TXNDC12: variants seen among roughly 807,000 people sequenced by gnomAD.
The protein encoded by TXNDC12 is thioredoxin domain-containing protein 12.
In TXNDC12, 22 loss-of-function variants were observed where a neutral mutation model predicts 24.2. The observed-to-expected ratio is 0.91, with a 90% CI of 0.65 to 1.30. TXNDC12 has a LOEUF of 1.30. TXNDC12 is among the 50% of genes most tolerant of loss of function. The pLI is 0.00. For synonymous variants in TXNDC12, 58 were observed against 73.4 expected, an observed-to-expected ratio of 0.79 and a Z score of 1.07; for missense variants, 184 against 205.8, an observed-to-expected ratio of 0.89 and a Z score of 0.65.
upstream of TXNDC12, chr1:52,055,404 T>G: frequency 3.1e-6 from 1 of 323,638 alleles, no homozygotes; most frequent in Non-Finnish European, 6.0e-6. Flanking sequence ...TAGGCCAAGA[T>G]AGTAGGGGCG....
chr1:52,056,104 C>T (rs2783189), upstream of TXNDC12: 150,763 of 152,382 alleles, frequency 0.99, 74,603 homozygotes, highest in Middle Eastern at 1. Flanking sequence ...AGGGACACAA[C>T]AGAACGCTCG....
Position 52,055,045 on chromosome 1 carries a change from G to A in TXNDC12, c.52C>T (p.Leu18=), listed in dbSNP as rs774356497. ...GATCLLGFSF[L]LLVISSDGHN... ...CCATCAGAAGAGATGACGAGGAGCA[G>A]GAAACTGAAGCCCAGCAAACAGGTG... is the stretch of plus-strand genomic sequence containing the variant. The change falls in exon 1 of 7, where the codon CTG becomes TTG. Residue 18 remains leucine (L), a synonymous_variant. Coordinates refer to ENST00000371626, the MANE Select transcript of TXNDC12 (RefSeq NM_015913.4). 9 of 1,614,124 alleles carry A rather than the reference G, an allele frequency of 5.6e-6. No homozygotes were observed. Among genetic ancestry groups the A allele is most frequent in the Non-Finnish European group, 6.8e-6 (8 of 1,179,998 alleles).
At chr1:52,024,284 G>A (rs765510453) in intron 5 of TXNDC12, among the ~76,000 whole-genome samples, 3 of 152,302 alleles carry the variant, frequency 2.0e-5, no homozygotes, top group African/African-American at 4.8e-5. Context: ...GAGCCACTGT[G>A]CCCGGCCAAA....
chr1:52,030,616 A>G (rs561378808), intron 2 of TXNDC12: 6 of 152,354 alleles, frequency 3.9e-5, no homozygotes, highest in Non-Finnish European at 7.3e-5. Context: ...CAACCAAGGC[A>G]GCCCATCTAC....
intron 1 of TXNDC12, among the ~76,000 whole-genome samples, chr1:52,047,579 T>TAA (rs1448149656): frequency 2.0e-5 from 3 of 152,150 alleles, no homozygotes; most frequent in Non-Finnish European, 4.4e-5. Context: ...TAGCAATTTA[T>TAA]AATGCCCGAT....
At position 52,038,372 on chromosome 1, in the gene TXNDC12, G is replaced by A. The variant is rs150307756; in HGVS notation, c.158+3165C>T. Among the ~76,000 whole-genome samples, 1,111 of 151,586 alleles carry A rather than the reference G, an allele frequency of 7.3e-3. 10 individuals are homozygous for A. Among genetic ancestry groups the A allele is most frequent in the Non-Finnish European group, 0.011 (739 of 67,858 alleles). On this transcript the variant is annotated intron_variant, in intron 2 of 6. Transcript: ENST00000371626. ...TGTCACCCAGGCTGGAGTGCAGTGG[G>A]GGGATCTCGGCTCATGCAACCTCCG...
intron 4 of TXNDC12, 100 bp from the exon 5 acceptor site, chr1:52,024,679 T>C: frequency 1.1e-6 from 1 of 879,024 alleles, no homozygotes; most frequent in Non-Finnish European, 1.9e-6. Context: ...CCCCAAGTCC[T>C]TGCAGTGGCC....
intron 2 of TXNDC12, among the ~76,000 whole-genome samples, chr1:52,039,641 G>A (rs975526166): frequency 1.3e-5 from 2 of 152,026 alleles, no homozygotes; most frequent in Admixed American, 1.3e-4. Flanking sequence ...GAGAAACTAC[G>A]TTATACTGCG....
intron 2 of TXNDC12, chr1:52,033,693 C>A: frequency 1.9e-6 from 3 of 1,611,254 alleles, no homozygotes; most frequent in Non-Finnish European, 2.5e-6. Flanking sequence ...CAGCCAGCGC[C>A]ACGCGCAACT....
intron 2 of TXNDC12, chr1:52,032,673 T>C (rs1685785989): frequency 1.3e-6 from 2 of 1,559,188 alleles, no homozygotes; most frequent in Non-Finnish European, 8.7e-7. Context: ...TCAGAAGCCA[T>C]GGCTTCCCCC....
upstream of TXNDC12, chr1:52,055,365 T>G: frequency 2.3e-6 from 1 of 436,198 alleles, no homozygotes; most frequent in Non-Finnish European, 4.3e-6. Context: ...ATTCTGGGTG[T>G]CCAGGTCCCG....
At chr1:52,046,866 A>T (rs10888745) in intron 1 of TXNDC12, among the ~76,000 whole-genome samples, 1,834 of 30,036 alleles carry the variant, frequency 0.061, 20 homozygotes, top group Non-Finnish European at 0.15. Context: ...AAAAAAAAAA[A>T]ATATATATAT....
intron 2 of TXNDC12, among the ~76,000 whole-genome samples, chr1:52,029,844 A>C (rs1186418955): frequency 1.3e-5 from 2 of 152,236 alleles, no homozygotes; most frequent in Non-Finnish European, 2.9e-5. Context: ...TCTGCCTGCA[A>C]TACTTGTAAA....
At chr1:52,032,551 T>G in intron 2 of TXNDC12, 1 of 1,401,616 alleles carries the variant, frequency 7.1e-7, no homozygotes. Flanking sequence ...GGCACAGGGG[T>G]ATGCAGGAAA....
chr1:52,032,580 C>G, intron 2 of TXNDC12: 1 of 1,438,558 alleles, frequency 7.0e-7, no homozygotes, highest in Middle Eastern at 2.5e-4. Flanking sequence ...GAATCAGTCA[C>G]AACAGCTCTA....
At chr1:52,038,120 G>C (rs773274213) in intron 2 of TXNDC12, among the ~76,000 whole-genome samples, 1 of 151,908 alleles carries the variant, frequency 6.6e-6, no homozygotes, top group East Asian at 1.9e-4. Flanking sequence ...TAGAGACAGA[G>C]TTTCCCATGT....
intron 1 of TXNDC12, among the ~76,000 whole-genome samples, chr1:52,054,034 G>C (rs1432549912): frequency 1.3e-5 from 2 of 152,200 alleles, no homozygotes; most frequent in African/African-American, 4.8e-5. Context: ...TAGTGCCTAG[G>C]ACAGTGCCTG....
intron 5 of TXNDC12, 50 bp from the exon 6 acceptor site, chr1:52,023,624 G>T: frequency 6.9e-7 from 1 of 1,442,082 alleles, no homozygotes; most frequent in Non-Finnish European, 9.8e-7. Flanking sequence ...CAACAGACAG[G>T]TACTTCAAAC....
chr1:52,020,962 T>G lies in TXNDC12; in HGVS notation c.490A>C (p.Arg164=), dbSNP rs762225286. 6.2e-7 allele frequency: 1 copy of G among 1,614,122 alleles called. No individual in the cohort carries two copies. The highest frequency in any genetic ancestry group is 1.1e-5 in the South Asian group (1 of 91,082). ...AATTCATCTTCAAGATGTTTCTTTC[T>G]GAAGGCATCACCCGTCAGCCTTTCC... The part of the protein sequence containing the change: ...AQERLTGDAF[R]KKHLEDEL Residue 164 remains arginine, a synonymous_variant, in exon 7 of 7, where the codon AGA becomes CGA. Transcript: ENST00000371626.
Sources: allele counts gnomAD v4.1 joint callset (sites outside exome capture counted in the v4.1 genomes callset), GRCh38; gene constraint gnomAD v4.1.1; transcripts MANE v1.5; gene names NCBI Gene and HGNC (gene_info 2026-07-23, HGNC 2026-07-21).